MCU: variants seen among roughly 807,000 people sequenced by gnomAD.
The protein encoded by MCU is mitochondrial calcium uniporter, also known as calcium uniporter protein, mitochondrial.
MCU carries 12 observed loss-of-function variants against 45.2 expected under a neutral mutation model. The observed-to-expected ratio is 0.27, with a 90% CI of 0.17 to 0.43. The LOEUF is 0.43. Among genes scored for constraint, MCU ranks in the 20% least tolerant of loss-of-function variants. MCU has a pLI of 1.00. For missense variants in MCU, 324 were observed against 436.7 expected, an observed-to-expected ratio of 0.74 and a Z score of 2.30; for synonymous variants, 160 against 165.1, an observed-to-expected ratio of 0.97 and a Z score of 0.24.
intron 2 of MCU, among the ~76,000 whole-genome samples, chr10:72,853,995 G>A (rs781342880): frequency 6.6e-6 from 1 of 152,116 alleles, no homozygotes; most frequent in African/African-American, 2.4e-5. Flanking sequence ...TTTGCTAAGT[G>A]TGGTGGTGTG....
chr10:72,700,988 T>G (rs929766181), intron 1 of MCU, among the ~76,000 whole-genome samples: 1 of 152,210 alleles, frequency 6.6e-6, no homozygotes, highest in Non-Finnish European at 1.5e-5. Flanking sequence ...TCCTGAAGTG[T>G]ACTGCCTTGT....
intron 2 of MCU, among the ~76,000 whole-genome samples, chr10:72,839,731 A>ATC (rs1229309607): frequency 6.6e-6 from 1 of 151,528 alleles, no homozygotes; most frequent in African/African-American, 2.4e-5. Flanking sequence ...AGGCGGGCAG[A>ATC]TCATGAGGTC....
At chr10:72,848,388 G>A (rs1194732235) in intron 2 of MCU, among the ~76,000 whole-genome samples, 1 of 152,134 alleles carries the variant, frequency 6.6e-6, no homozygotes, top group Non-Finnish European at 1.5e-5. Flanking sequence ...ATGTCAGAAG[G>A]CATCACATGG....
intron 1 of MCU, among the ~76,000 whole-genome samples, chr10:72,810,424 G>A (rs932700525): frequency 6.9e-6 from 1 of 144,222 alleles, no homozygotes; most frequent in African/African-American, 2.6e-5. Context: ...TGAGTAACAT[G>A]ATTTTGTAGT....
At chr10:72,880,461 A>G (rs2132899701) in intron 6 of MCU, among the ~76,000 whole-genome samples, 1 of 141,694 alleles carries the variant, frequency 7.1e-6, no homozygotes, top group East Asian at 2.2e-4. Flanking sequence ...TACATAGACC[A>G]CACGTAGAAG....
At chr10:72,788,586 C>A (rs1844112054) in intron 1 of MCU, among the ~76,000 whole-genome samples, 1 of 152,136 alleles carries the variant, frequency 6.6e-6, no homozygotes, top group Non-Finnish European at 1.5e-5. Context: ...CATGATGCAC[C>A]ACTGCACTCC....
At chr10:72,829,207 C>T (rs530068418) in intron 1 of MCU, among the ~76,000 whole-genome samples, 85 of 151,848 alleles carry the variant, frequency 5.6e-4, no homozygotes, top group African/African-American at 2.0e-3. Context: ...CCTGTAGTCC[C>T]AGCTACTCGG....
At chr10:72,825,369 A>G (rs182643570) in intron 1 of MCU, among the ~76,000 whole-genome samples, 4 of 152,296 alleles carry the variant, frequency 2.6e-5, no homozygotes, top group Non-Finnish European at 4.4e-5. Context: ...ATACATAAGC[A>G]TATTATTTAT....
At chr10:72,824,095 C>T (rs561053625) in intron 1 of MCU, among the ~76,000 whole-genome samples, 1 of 152,048 alleles carries the variant, frequency 6.6e-6, no homozygotes, top group Non-Finnish European at 1.5e-5. Context: ...TCTAAAATCT[C>T]CAATTAATGG....
chr10:72,788,266 C>G (rs1297512042), intron 1 of MCU, among the ~76,000 whole-genome samples: 3 of 152,178 alleles, frequency 2.0e-5, no homozygotes, highest in Non-Finnish European at 4.4e-5. Context: ...TGCTTTTCAG[C>G]AGCGCTGAAA....
At chr10:72,861,393 A>G (rs1482707634) in intron 4 of MCU, among the ~76,000 whole-genome samples, 2 of 151,840 alleles carry the variant, frequency 1.3e-5, no homozygotes, top group African/African-American at 4.8e-5. Flanking sequence ...GGCACCAAAA[A>G]ACTCGGTAAT....
At chr10:72,804,221 G>C (rs1844394958) in intron 1 of MCU, among the ~76,000 whole-genome samples, 1 of 150,472 alleles carries the variant, frequency 6.6e-6, no homozygotes. Flanking sequence ...CAAGTAGCTG[G>C]GATTACAGGT....
At chr10:72,771,681 T>C (rs772375099) in intron 1 of MCU, among the ~76,000 whole-genome samples, 3 of 152,176 alleles carry the variant, frequency 2.0e-5, no homozygotes, top group Admixed American at 6.5e-5. Flanking sequence ...CACTTTAAGT[T>C]CTGGGATATG....
intron 1 of MCU, among the ~76,000 whole-genome samples, chr10:72,827,389 A>G (rs1267542136): frequency 6.6e-6 from 1 of 152,238 alleles, no homozygotes; most frequent in African/African-American, 2.4e-5. Flanking sequence ...TTTAATATAT[A>G]TGGAGAAATT....
In MCU at chr10:72,692,262, G is replaced by A; in HGVS notation, c.111G>A (p.Leu37=). The change falls in exon 1 of 8, where the codon CTG becomes CTA. Residue 37 remains leucine (L), a synonymous_variant. Transcript: ENST00000373053. ...TGACTGCCGGCTGCTTCCCTGGGCT[G>A]GGCGTCAGCCGCCACCGGCAGCAGC... ...GALTAGCFPG[L]GVSRHRQQQH... is the part of the protein sequence containing the mutation. 1 of 1,233,238 alleles carries A rather than the reference G, an allele frequency of 8.1e-7. No homozygotes were observed. The highest frequency in any genetic ancestry group is 1.0e-6 in the Non-Finnish European group (1 of 985,174). 76.4% of individuals were successfully genotyped at this position (1,233,238 alleles called of 1,614,324 possible).
chr10:72,880,560 C>T (rs1013447011), intron 6 of MCU, among the ~76,000 whole-genome samples: 3 of 152,070 alleles, frequency 2.0e-5, no homozygotes, highest in African/African-American at 7.2e-5. Flanking sequence ...TCAACTGATC[C>T]ATTAGATTCA....
At chr10:72,697,705 A>C (rs1842708276) in intron 1 of MCU, among the ~76,000 whole-genome samples, 1 of 152,072 alleles carries the variant, frequency 6.6e-6, no homozygotes. Context: ...AAGTGCTGGG[A>C]TTACAGGTGT....
intron 6 of MCU, among the ~76,000 whole-genome samples, chr10:72,877,317 G>A (rs1413890738): frequency 6.6e-6 from 1 of 152,184 alleles, no homozygotes; most frequent in African/African-American, 2.4e-5. Flanking sequence ...AATAAACTTA[G>A]TGTGTATATT....
intron 1 of MCU, among the ~76,000 whole-genome samples, chr10:72,826,981 C>T (rs1844808035): frequency 2.0e-5 from 3 of 152,116 alleles, no homozygotes; most frequent in African/African-American, 7.2e-5. Context: ...TATTGTTAAT[C>T]TCTTACTGTG....
Sources: gnomAD v4.1 joint callset for allele counts (sites outside exome capture counted in the v4.1 genomes callset) on GRCh38, gnomAD v4.1.1 for gene constraint, MANE v1.5 for transcripts, NCBI Gene and HGNC (gene_info 2026-07-23, HGNC 2026-07-21) for gene names.